Variants in HTT observed in about 807,000 individuals in gnomAD.
HTT encodes huntingtin.
In HTT, 104 loss-of-function variants were observed where a neutral mutation model predicts 362.3. The ratio of observed to expected loss-of-function variants is 0.29; its 90% CI spans 0.24 to 0.34. HTT has a LOEUF of 0.34. Ranked by LOEUF, HTT falls within the 10% of genes least tolerant of loss-of-function variation. HTT has a pLI of 1.00. For synonymous variants in HTT, 1,577 were observed against 1,548.7 expected, an observed-to-expected ratio of 1.02 and a Z score of -0.43; for missense variants, 3,301 against 3,928.6, an observed-to-expected ratio of 0.84 and a Z score of 4.27.
chr4:3,130,229 G>T, intron 13 of HTT, 76 bp from the exon 14 acceptor site: 3 of 1,091,548 alleles, frequency 2.7e-6, no homozygotes, highest in Non-Finnish European at 4.0e-6. Context: ...ATACTTTTGA[G>T]TTATCTTAGC....
chr4:3,127,612 G>A lies in HTT; in HGVS notation c.1743+8G>A, dbSNP rs755426575. 1.3e-5 allele frequency: 21 copies of A among 1,581,864 alleles called. No individual in the cohort carries two copies. Among genetic ancestry groups the A allele is most frequent in the Non-Finnish European group, 1.8e-5 (21 of 1,153,930 alleles). ...TCAGACAGTTCTGAAATTGTAAGTG[G>A]GCAGAGGGGCCTGACATCTTTTTTT... On this transcript the variant is annotated splice_region_variant and intron_variant, in intron 12 of 66. Transcript: ENST00000355072.
Position 3,206,439 on chromosome 4 carries a change from A to T in HTT, c.5719-57A>T, listed in dbSNP as rs1166881607. 5 of 1,399,194 alleles carry T rather than the reference A, an allele frequency of 3.6e-6. No homozygotes were observed. The highest frequency in any genetic ancestry group is 3.0e-6 in the Non-Finnish European group (3 of 988,684). 86.7% of individuals were successfully genotyped at this position (1,399,194 alleles called of 1,614,324 possible). Reference sequence around the variant, plus strand: ...CCTTTCTGGCCTTTCTATGGCATTAATACCTGGTCTCTTCTTGTGTACTTG... The same window carrying T: ...CCTTTCTGGCCTTTCTATGGCATTATTACCTGGTCTCTTCTTGTGTACTTG... On this transcript the variant is annotated intron_variant, in intron 42 of 66. Transcript: ENST00000355072. The surrounding 1 kb of genome is among the most constrained non-coding windows in gnomAD (Gnocchi z 4.6).
chr4:3,146,309 A>G (rs1378727823), intron 24 of HTT, among the ~76,000 whole-genome samples: 2 of 152,226 alleles, frequency 1.3e-5, no homozygotes, highest in Middle Eastern at 6.3e-3. Flanking sequence ...TTACTACAAG[A>G]TATGGCGTGT....
At chr4:3,183,912 A>G (rs1718640099) in intron 37 of HTT, among the ~76,000 whole-genome samples, 1 of 152,214 alleles carries the variant, frequency 6.6e-6, no homozygotes, top group East Asian at 1.9e-4. Context: ...GCTAGATACT[A>G]TCCTGTTACT....
Position 3,148,061 on chromosome 4 carries a change from G to A in HTT, c.3352G>A (p.Ala1118Thr), listed in dbSNP as rs1429584352. 6.2e-7 allele frequency: 1 copy of A among 1,614,134 alleles called. No homozygotes were observed. ...SWASEEEANP[A>T]ATKQEEVWPA... The stretch of plus-strand genomic sequence containing the variant: ...GGCCTCTGAAGAAGAAGCCAACCCA[G>A]CAGCCACCAAGCAAGAGGAGGTCTG... The change falls in exon 26 of 67, where the codon GCA (alanine) becomes ACA (threonine). Residue 1118 changes from alanine (A) to threonine (T), a missense_variant. Transcript: ENST00000355072.
rs1449799450 is a variant in HTT at position 3,212,715 on chromosome 4, A to G, written c.6774+6A>G. 2 of 1,614,174 alleles carry G rather than the reference A, an allele frequency of 1.2e-6. No individual in the cohort carries two copies. Among genetic ancestry groups the G allele is most frequent in the East Asian group, 4.5e-5 (2 of 44,886 alleles). ...TCGTGGTGGCAACCCTTGAGGTAAG[A>G]GGCAGCTCGGGAGCTCAGTGTTGCT... On this transcript the variant is annotated splice_donor_region_variant and intron_variant, in intron 49 of 66. Coordinates refer to ENST00000355072, the MANE Select transcript of HTT (RefSeq NM_001388492.1).
intron 2 of HTT, among the ~76,000 whole-genome samples, chr4:3,093,957 T>G (rs1009079413): frequency 1.7e-4 from 25 of 146,096 alleles, no homozygotes; most frequent in Admixed American, 5.6e-4. Flanking sequence ...CTTGGGTGTT[T>G]CTTGGAGAGG....
At chr4:3,187,556 AAT>A in intron 38 of HTT, 93 bp from the exon 39 acceptor site, 1 of 828,526 alleles carries the variant, frequency 1.2e-6, no homozygotes. Context: ...AGGATAGTAA[AAT>A]AGGAGTTATT....
rs1201526135 is a variant in HTT, at chr4:3,188,862, T to C, written c.5226-89T>C. Reference sequence around the variant, plus strand: ...GTACTCTACCTATATTTTTACTTTATATTTACCATATATCTTTTCATGTAT... The same window carrying C: ...GTACTCTACCTATATTTTTACTTTACATTTACCATATATCTTTTCATGTAT... On this transcript the variant is annotated intron_variant, in intron 39 of 66. Transcript: ENST00000355072. The C allele has an allele frequency of 3.1e-6, 4 of 1,279,848 alleles. No homozygotes were observed. The Admixed American group carries it at 6.0e-5, about 19-fold the overall frequency. The allele number at this position is 1,279,848 out of a possible 1,614,324, so 79.3% of individuals were successfully genotyped here. A position where few individuals can be genotyped will look rare whatever the true frequency, so the allele number is the denominator to read the frequency against.
At chr4:3,230,802 C>T (rs1444472649) in intron 60 of HTT, among the ~76,000 whole-genome samples, 1 of 152,122 alleles carries the variant, frequency 6.6e-6, no homozygotes, top group Non-Finnish European at 1.5e-5. Context: ...AAGGGCTCTC[C>T]CATCATGACC....
chr4:3,202,076 C>CT (rs1388419737), intron 41 of HTT, among the ~76,000 whole-genome samples: 2 of 152,286 alleles, frequency 1.3e-5, no homozygotes, highest in East Asian at 3.9e-4. Context: ...CTTATGGACT[C>CT]TGTCACTGTG....
rs1720001148 is a variant in HTT, at chr4:3,208,884, G to T, written c.6264G>T (p.Val2088=). 6.2e-7 allele frequency: 1 copy of T among 1,613,472 alleles called. No individual in the cohort carries two copies. The highest frequency in any genetic ancestry group is 8.5e-7 in the Non-Finnish European group (1 of 1,179,836). ...SSHPLDGDGH[V]SLETVSPDKD... is the part of the protein sequence containing the mutation. ...ACCCGCTGGACGGGGATGGGCACGT[G>T]TCACTGGAAACAGTGAGTCCGGACA... The change falls in exon 46 of 67, where the codon GTG becomes GTT. Residue 2088 remains valine, a synonymous_variant. Transcript: ENST00000355072.
At chr4:3,094,386 A>G (rs947878577) in intron 2 of HTT, among the ~76,000 whole-genome samples, 1 of 152,158 alleles carries the variant, frequency 6.6e-6, no homozygotes, top group Non-Finnish European at 1.5e-5. Context: ...CTATTCGACA[A>G]AACTGCCACC....
chr4:3,093,766 A>G (rs1201075092), intron 2 of HTT, among the ~76,000 whole-genome samples: 1 of 151,972 alleles, frequency 6.6e-6, no homozygotes, highest in African/African-American at 2.4e-5. Flanking sequence ...ATGAAGCTAT[A>G]AGCCAAGGAA....
At chr4:3,159,153 G>A (rs905626721) in intron 28 of HTT, among the ~76,000 whole-genome samples, 5 of 152,164 alleles carry the variant, frequency 3.3e-5, no homozygotes, top group Non-Finnish European at 5.9e-5. Flanking sequence ...CATTTCTTGT[G>A]TGGCCCTTCC....
chr4:3,084,741 TG>T (rs1713110607), intron 1 of HTT, among the ~76,000 whole-genome samples: 1 of 149,006 alleles, frequency 6.7e-6, no homozygotes, highest in Admixed American at 6.7e-5. Context: ...GGGCCGGGTG[TG>T]GTGGCTCACA....
intron 2 of HTT, among the ~76,000 whole-genome samples, chr4:3,096,696 G>T (rs1397328230): frequency 2.6e-5 from 4 of 152,178 alleles, no homozygotes; most frequent in Non-Finnish European, 4.4e-5. Flanking sequence ...AAACTTGTGG[G>T]GTGCTGTTAC....
At chr4:3,099,511 C>T in intron 3 of HTT, 117 bp downstream of exon 3, 1 of 1,406,510 alleles carries the variant, frequency 7.1e-7, no homozygotes, top group Non-Finnish European at 9.7e-7. Context: ...CACTTTTTTC[C>T]TTTCTGATGT....
intron 29 of HTT, among the ~76,000 whole-genome samples, chr4:3,171,767 A>G (rs6446724): frequency 0.17 from 26,423 of 151,902 alleles, 3,374 homozygotes; most frequent in African/African-American, 0.37. Flanking sequence ...GTGAGCCACC[A>G]CTCCCAGCCC....
Sources: gnomAD v4.1 joint callset for allele counts (sites outside exome capture counted in the v4.1 genomes callset) on GRCh38, gnomAD v4.1.1 for gene constraint, Gnocchi (gnomAD v3.1) non-coding constraint, MANE v1.5 for transcripts, NCBI Gene and HGNC (gene_info 2026-07-23, HGNC 2026-07-21) for gene names.